CMTM8: variants seen among roughly 807,000 people sequenced by gnomAD.
CMTM8 encodes the protein CKLF like MARVEL transmembrane domain containing 8, also known as CKLF-like MARVEL transmembrane domain-containing protein 8.
In CMTM8, 12 loss-of-function variants were observed where a neutral mutation model predicts 18.6. The ratio of observed to expected loss-of-function variants is 0.65; its 90% confidence interval spans 0.41 to 1.05. CMTM8 has a LOEUF of 1.05. Ranked by LOEUF, CMTM8 falls within the 50% of genes least tolerant of loss-of-function variation. The probability of loss-of-function intolerance (pLI) is 0.00; values close to 1 mark genes in which losing one functional copy is unlikely to be tolerated. For synonymous variants in CMTM8, 87 were observed against 90.6 expected, an observed-to-expected ratio of 0.96 and a Z score of 0.23; for missense variants, 217 against 227.2, an observed-to-expected ratio of 0.95 and a Z score of 0.29.
At position 32,370,138 on chromosome 3, in the gene CMTM8, G is replaced by A. The variant is rs1416854927; in HGVS notation, c.*171G>A. 3 of 394,680 alleles carry A rather than the reference G, an allele frequency of 7.6e-6. No homozygotes were observed. The highest frequency in any genetic ancestry group is 4.0e-5 in the African/African-American group (2 of 49,744). 24.4% of individuals were successfully genotyped at this position (394,680 alleles called of 1,614,324 possible). A position where few individuals can be genotyped will look rare whatever the true frequency, so the allele number is the denominator to read the frequency against. On this transcript the variant is annotated 3_prime_UTR_variant, in exon 4 of 4. Transcript: ENST00000307526. ...TTACAATTAAACTGGATACTTATTT[G>A]CAAAGTGTTGTAGCTTATAATGAAC...
intron 1 of CMTM8, among the ~76,000 whole-genome samples, chr3:32,283,786 C>G (rs1471715215): frequency 2.0e-5 from 3 of 152,166 alleles, no homozygotes; most frequent in African/African-American, 7.2e-5. Context: ...ATGAGGCAAT[C>G]CAGGCAGGCA....
chr3:32,327,240 C>T (rs1696180505), intron 1 of CMTM8, among the ~76,000 whole-genome samples: 1 of 152,120 alleles, frequency 6.6e-6, no homozygotes, highest in South Asian at 2.1e-4. Flanking sequence ...TATGCATTCT[C>T]TTCTGAATAG....
chr3:32,275,544 G>T (rs2125546339), intron 1 of CMTM8, among the ~76,000 whole-genome samples: 1 of 151,788 alleles, frequency 6.6e-6, no homozygotes, highest in Middle Eastern at 3.4e-3. Flanking sequence ...TGGGGGAGAT[G>T]ATAGTATCCA....
At chr3:32,252,733 C>G (rs1368853383) in intron 1 of CMTM8, among the ~76,000 whole-genome samples, 1 of 152,222 alleles carries the variant, frequency 6.6e-6, no homozygotes, top group African/African-American at 2.4e-5. Flanking sequence ...TATTCTCATA[C>G]TTTTTGAATA....
intron 1 of CMTM8, among the ~76,000 whole-genome samples, chr3:32,293,077 G>GTGTGTGTGTATATA (rs148004069): frequency 1.2e-4 from 18 of 145,776 alleles, no homozygotes; most frequent in Non-Finnish European, 1.8e-4. Flanking sequence ...ATATGTGTGT[G>GTGTGTGTGTATATA]TATATATATA....
At chr3:32,335,855 C>T (rs1015378248) in intron 1 of CMTM8, among the ~76,000 whole-genome samples, 21 of 152,166 alleles carry the variant, frequency 1.4e-4, no homozygotes, top group Admixed American at 1.2e-3. Context: ...ACTTGCAGGG[C>T]GGGAGATCAG....
intron 1 of CMTM8, chr3:32,260,204 A>C: frequency 7.3e-7 from 1 of 1,365,426 alleles, no homozygotes; most frequent in Middle Eastern, 2.1e-4. Context: ...GTCTGAGACC[A>C]ACGACACCAA....
In CMTM8 at chr3:32,316,550, G is replaced by C. The variant is rs547487237; in HGVS notation, c.148-40823G>C. ...TGACAAGAATGCAGCCTTTATTGTTGAAAGGTTTGTGGCTAAACGTATAGA... is the reference window on the plus strand; with the variant it reads ...TGACAAGAATGCAGCCTTTATTGTTCAAAGGTTTGTGGCTAAACGTATAGA... On this transcript the variant is annotated intron_variant, in intron 1 of 3. Coordinates refer to ENST00000307526, the MANE Select transcript of CMTM8 (RefSeq NM_178868.5). Among the ~76,000 whole-genome samples the C allele has an allele frequency of 1.4e-4, 22 of 152,322 alleles. No homozygotes were observed. The East Asian group carries it at 4.2e-3, about 29-fold the overall frequency.
intron 1 of CMTM8, among the ~76,000 whole-genome samples, chr3:32,254,718 T>TA (rs200045377): frequency 0.041 from 6,143 of 149,816 alleles, 227 homozygotes; most frequent in South Asian, 0.21. Context: ...TTCTCTGGAT[T>TA]AAAAAAAAAA....
At chr3:32,355,049 G>A (rs1237707485) in intron 1 of CMTM8, among the ~76,000 whole-genome samples, 1 of 152,168 alleles carries the variant, frequency 6.6e-6, no homozygotes, top group Non-Finnish European at 1.5e-5. Context: ...ACTCTAAAGA[G>A]CAGAAACAGC....
At chr3:32,350,384 G>A (rs990574568) in intron 1 of CMTM8, among the ~76,000 whole-genome samples, 8 of 148,618 alleles carry the variant, frequency 5.4e-5, no homozygotes, top group African/African-American at 1.2e-4. Flanking sequence ...TTGAGACAGA[G>A]TGTTGCTCTG....
intron 1 of CMTM8, among the ~76,000 whole-genome samples, chr3:32,347,761 T>G (rs1258903730): frequency 6.6e-6 from 1 of 152,218 alleles, no homozygotes; most frequent in Non-Finnish European, 1.5e-5. Context: ...TTTTCTTATC[T>G]TCCTTATTGT....
chr3:32,334,549 T>C (rs2125585813), intron 1 of CMTM8, among the ~76,000 whole-genome samples: 1 of 150,948 alleles, frequency 6.6e-6, no homozygotes, highest in South Asian at 2.1e-4. Flanking sequence ...GAGCTTGTAG[T>C]GAGCTGAGAT....
chr3:32,296,787 C>T (rs1212869501), intron 1 of CMTM8, among the ~76,000 whole-genome samples: 1 of 152,234 alleles, frequency 6.6e-6, no homozygotes, highest in Non-Finnish European at 1.5e-5. Context: ...GCCTCTCTCA[C>T]CCAGGTTTTC....
intron 1 of CMTM8, among the ~76,000 whole-genome samples, chr3:32,339,765 C>T (rs1246789959): frequency 1.3e-5 from 2 of 152,110 alleles, no homozygotes; most frequent in African/African-American, 4.8e-5. Flanking sequence ...AGATCAAGAC[C>T]ATCCTGGCTA....
At chr3:32,355,885 G>A (rs1239490882) in intron 1 of CMTM8, among the ~76,000 whole-genome samples, 4 of 152,084 alleles carry the variant, frequency 2.6e-5, no homozygotes, top group East Asian at 3.9e-4. Context: ...CTTCTGTCTC[G>A]CTAGTGCTTT....
At chr3:32,282,721 A>T (rs960675141) in intron 1 of CMTM8, among the ~76,000 whole-genome samples, 3 of 152,122 alleles carry the variant, frequency 2.0e-5, no homozygotes, top group Admixed American at 2.0e-4. Flanking sequence ...CAGTCTGTTC[A>T]GTTTCAGTCT....
At chr3:32,363,793 G>T (rs1392362051) in intron 2 of CMTM8, among the ~76,000 whole-genome samples, 2 of 152,150 alleles carry the variant, frequency 1.3e-5, no homozygotes, top group Non-Finnish European at 2.9e-5. Context: ...GTGTGTCTGG[G>T]GTAGGGCCTG....
chr3:32,242,801 CG>C (rs1179180593), intron 1 of CMTM8, among the ~76,000 whole-genome samples: 1 of 151,980 alleles, frequency 6.6e-6, no homozygotes, highest in Admixed American at 6.6e-5. Flanking sequence ...GGAAAATTCA[CG>C]TAAGTTTCAG....
Sources: allele counts gnomAD v4.1 joint callset (sites outside exome capture counted in the v4.1 genomes callset), GRCh38; gene constraint gnomAD v4.1.1; transcripts MANE v1.5; gene names NCBI Gene and HGNC (gene_info 2026-07-23, HGNC 2026-07-21).